The following DLG2 variants were observed in gnomAD, a reference collection of about 807,000 sequenced individuals.
DLG2 encodes discs large MAGUK scaffold protein 2, also known as disks large homolog 2.
In DLG2, 45 loss-of-function variants were observed where a neutral mutation model predicts 132.5. The ratio of observed to expected loss-of-function variants is 0.34; its 90% CI spans 0.27 to 0.44. DLG2 has a LOEUF of 0.44. Among genes scored for constraint, DLG2 ranks in the 20% least tolerant of loss-of-function variants. The pLI is 1.00. For missense variants in DLG2, 1,045 were observed against 1,196.9 expected, an observed-to-expected ratio of 0.87 and a Z score of 1.87; for synonymous variants, 424 against 419.6, an observed-to-expected ratio of 1.01 and a Z score of -0.13.
At position 85,606,265 on chromosome 11, in the gene DLG2, C is replaced by T. The variant is rs1591247897; in HGVS notation, c.-92-7477G>A. On this transcript the variant is annotated intron_variant, in intron 2 of 27. Coordinates refer to ENST00000376104, the MANE Select transcript of DLG2 (RefSeq NM_001142699.3). The stretch of plus-strand genomic sequence containing the variant: ...CACAATTTTATCATTACTTATTAGA[C>T]ATTAGGACTAGAAAATGAAAGTGAG... Among the ~76,000 whole-genome samples the T allele has an allele frequency of 2.6e-5, 4 of 152,184 alleles. No individual in the cohort carries two copies. In the South Asian group the frequency reaches 8.3e-4, roughly 32 times the overall value.
chr11:84,087,080 C>A (rs1286124658), intron 10 of DLG2, among the ~76,000 whole-genome samples: 1 of 152,094 alleles, frequency 6.6e-6, no homozygotes, highest in Non-Finnish European at 1.5e-5. Context: ...GGGTTGTTTC[C>A]AGTTTTTGGC....
chr11:84,365,047 C>T (rs2098673491), intron 7 of DLG2, among the ~76,000 whole-genome samples: 1 of 152,038 alleles, frequency 6.6e-6, no homozygotes. Flanking sequence ...AGGGAGGATT[C>T]CCTCTTTTTC....
intron 6 of DLG2, among the ~76,000 whole-genome samples, chr11:84,823,460 C>T (rs1202340961): frequency 6.6e-6 from 1 of 151,620 alleles, no homozygotes; most frequent in Non-Finnish European, 1.5e-5. Context: ...TTGCTATTCC[C>T]TCTACTTTCT....
chr11:84,294,142 T>G (rs556611339), intron 7 of DLG2, among the ~76,000 whole-genome samples: 22 of 152,358 alleles, frequency 1.4e-4, no homozygotes, highest in African/African-American at 5.1e-4. Context: ...AAATTGCAGC[T>G]GTTGGCCTAA....
intron 3 of DLG2, among the ~76,000 whole-genome samples, chr11:85,330,616 G>T (rs2081632330): frequency 9.8e-6 from 1 of 101,864 alleles, no homozygotes; most frequent in Non-Finnish European, 2.0e-5. Flanking sequence ...ATCACACTCT[G>T]GGGACTGTGG....
At chr11:83,533,273 C>A (rs574022515) in intron 20 of DLG2, among the ~76,000 whole-genome samples, 1 of 152,190 alleles carries the variant, frequency 6.6e-6, no homozygotes, top group Non-Finnish European at 1.5e-5. Flanking sequence ...TTCCTTTTCC[C>A]CAATGTCCTT....
chr11:85,515,682 A>T (rs955930983), intron 3 of DLG2, among the ~76,000 whole-genome samples: 2 of 152,124 alleles, frequency 1.3e-5, no homozygotes, highest in African/African-American at 4.8e-5. Flanking sequence ...ATAAGAACTG[A>T]CTAGAAGTGG....
chr11:84,660,487 G>T (rs2099693393), intron 6 of DLG2, among the ~76,000 whole-genome samples: 1 of 152,062 alleles, frequency 6.6e-6, no homozygotes, highest in African/African-American at 2.4e-5. Flanking sequence ...ACCTTCTGAG[G>T]ACTGGTCTGA....
chr11:84,758,142 T>A (rs191804600), intron 6 of DLG2, among the ~76,000 whole-genome samples: 1 of 152,372 alleles, frequency 6.6e-6, no homozygotes, highest in East Asian at 1.9e-4. Context: ...TATATTCTTA[T>A]AATCTAATAA....
intron 3 of DLG2, among the ~76,000 whole-genome samples, chr11:85,431,609 A>C (rs2091188674): frequency 6.6e-6 from 1 of 152,196 alleles, no homozygotes; most frequent in Non-Finnish European, 1.5e-5. Context: ...GGCAGCCAAC[A>C]CTGCAGCTTC....
At chr11:84,489,128 C>A (rs1248511329) in intron 7 of DLG2, among the ~76,000 whole-genome samples, 1 of 152,038 alleles carries the variant, frequency 6.6e-6, no homozygotes, top group East Asian at 1.9e-4. Flanking sequence ...AATACAGATT[C>A]ATCCCCTGCA....
chr11:85,409,707 G>A lies in DLG2; in HGVS notation c.41-124342C>T, dbSNP rs761761169. 4.6e-5 allele frequency among the ~76,000 whole-genome samples: 7 copies of A among 151,632 alleles called. No individual in the cohort carries two copies. In the East Asian group the frequency reaches 5.8e-4, roughly 13 times the overall value. ...ATATCTGGGGGGGTGGAGAAATACC[G>A]AATACTGGGCTTGAACTCTGGTTCT... On this transcript the variant is annotated intron_variant, in intron 3 of 27. Transcript: ENST00000376104.
chr11:85,533,235 G>A (rs371702181), intron 3 of DLG2, among the ~76,000 whole-genome samples: 1 of 151,910 alleles, frequency 6.6e-6, no homozygotes, highest in South Asian at 2.1e-4. Flanking sequence ...TGTTGGCCAG[G>A]CTAGTCTCGA....
rs1463851980 is a variant in DLG2, at chr11:84,043,934, A to G, written c.919+15381T>C. On this transcript the variant is annotated intron_variant, in intron 11 of 27. Transcript: ENST00000376104. ...AATTGAATTTATTTTAAGTTTTCCT[A>G]CAGCATAAATCATGAGCAATTAATT... Among the ~76,000 whole-genome samples, 4 of 151,522 alleles carry G rather than the reference A, an allele frequency of 2.6e-5. No individual in the cohort carries two copies. The East Asian group carries it at 7.8e-4, about 29-fold the overall frequency.
intron 17 of DLG2, among the ~76,000 whole-genome samples, chr11:83,825,907 G>A (rs1456668483): frequency 3.3e-5 from 5 of 152,150 alleles, no homozygotes; most frequent in South Asian, 2.1e-4. Flanking sequence ...ATGCCAAGGT[G>A]TGAAAATTTT....
chr11:83,737,672 G>C (rs1002147500), intron 18 of DLG2, among the ~76,000 whole-genome samples: 4 of 152,194 alleles, frequency 2.6e-5, no homozygotes, highest in Non-Finnish European at 5.9e-5. Flanking sequence ...ACAATAAATA[G>C]GCCGGGTGTG....
At chr11:84,627,110 A>G (rs2099624160) in intron 6 of DLG2, among the ~76,000 whole-genome samples, 1 of 152,068 alleles carries the variant, frequency 6.6e-6, no homozygotes. Context: ...ACATCAGGTC[A>G]TCTGCCTGCC....
Position 83,770,255 on chromosome 11 carries a change from G to GTTTTTTT in DLG2, c.1825+16428_1825+16434dup, listed in dbSNP as rs143065797. Among the ~76,000 whole-genome samples the GTTTTTTT allele has an allele frequency of 7.3e-5, 8 of 109,904 alleles. 1 individual carries two copies. The highest frequency in any genetic ancestry group is 2.5e-4 in the African/African-American group (6 of 24,408). 72.1% of individuals were successfully genotyped at this position (109,904 alleles called of 152,430 possible). On this transcript the variant is annotated intron_variant, in intron 18 of 27. Transcript: ENST00000376104. Reference sequence around the variant, plus strand: ...TACCTTTTGTCTCGTGGTGTCTGGTGTTTTTTTTTGTTTTTTTGCTTTTTG... The same window carrying GTTTTTTT: ...TACCTTTTGTCTCGTGGTGTCTGGTGTTTTTTTTTTTTTTTTGTTTTTTTGCTTTTTG...
intron 6 of DLG2, among the ~76,000 whole-genome samples, chr11:84,651,450 A>C (rs1045134323): frequency 6.6e-6 from 1 of 152,312 alleles, no homozygotes; most frequent in African/African-American, 2.4e-5. Context: ...ATCCAGATCC[A>C]GAAAACTTTT....
Sources: gnomAD v4.1 joint callset for allele counts (sites outside exome capture counted in the v4.1 genomes callset) on GRCh38, gnomAD v4.1.1 for gene constraint, MANE v1.5 for transcripts, NCBI Gene and HGNC (gene_info 2026-07-23, HGNC 2026-07-21) for gene names.